Variants in PDIA5 observed in about 807,000 individuals in gnomAD.
The protein encoded by PDIA5 is protein disulfide isomerase family A member 5, also known as protein disulfide-isomerase A5.
Under a neutral mutation model 77.6 loss-of-function variants are expected in PDIA5, and 58 were observed. The ratio of observed to expected loss-of-function variants is 0.75; its 90% CI spans 0.61 to 0.93. PDIA5 has a LOEUF of 0.93. Among genes scored for constraint, PDIA5 ranks in the 40% least tolerant of loss-of-function variants. The pLI is 0.00. For synonymous variants in PDIA5, 250 were observed against 252.1 expected (o/e 0.99, Z 0.08); for missense variants, 630 against 647.7 (o/e 0.97, Z 0.30).
At chr3:123,082,953 T>C (rs1934046954) in intron 1 of PDIA5, among the ~76,000 whole-genome samples, 1 of 152,154 alleles carries the variant, frequency 6.6e-6, no homozygotes, top group Non-Finnish European at 1.5e-5. Context: ...TCTGGAAGAC[T>C]GCAGAGGGAG....
At chr3:123,085,298 G>A (rs1221616204) in intron 1 of PDIA5, among the ~76,000 whole-genome samples, 1 of 152,176 alleles carries the variant, frequency 6.6e-6, no homozygotes, top group African/African-American at 2.4e-5. Flanking sequence ...TGGGGGTGAG[G>A]GTAGGGAGGA....
chr3:123,118,273 C>T (rs1935038128), intron 8 of PDIA5, among the ~76,000 whole-genome samples: 1 of 152,190 alleles, frequency 6.6e-6, no homozygotes, highest in South Asian at 2.1e-4. Flanking sequence ...GGAAGTTTCA[C>T]TTCACATTAT....
At chr3:123,091,110 G>A (rs1348902771) in intron 2 of PDIA5, among the ~76,000 whole-genome samples, 1 of 152,126 alleles carries the variant, frequency 6.6e-6, no homozygotes. Flanking sequence ...CCCAGCAGTA[G>A]AACAATGGCT....
At chr3:123,101,666 C>T (rs975913292) in intron 3 of PDIA5, among the ~76,000 whole-genome samples, 52 of 152,282 alleles carry the variant, frequency 3.4e-4, no homozygotes, top group African/African-American at 1.2e-3. Context: ...TGCTTGTCCA[C>T]CCCCAACAGA....
chr3:123,082,273 C>T (rs893731082), intron 1 of PDIA5, among the ~76,000 whole-genome samples: 1 of 152,034 alleles, frequency 6.6e-6, no homozygotes, highest in Non-Finnish European at 1.5e-5. Flanking sequence ...GTCCAGGGAG[C>T]TTGTGGGGTT....
At chr3:123,068,212 C>T (rs1322151932) in intron 1 of PDIA5, among the ~76,000 whole-genome samples, 1 of 152,166 alleles carries the variant, frequency 6.6e-6, no homozygotes, top group Non-Finnish European at 1.5e-5. Context: ...GGCACCCTCC[C>T]CCCAACCCAG....
chr3:123,128,414 C>T (rs1935291768), intron 10 of PDIA5, among the ~76,000 whole-genome samples: 1 of 152,100 alleles, frequency 6.6e-6, no homozygotes, highest in Admixed American at 6.5e-5. Flanking sequence ...AAAATATAGC[C>T]TTCTCCATCC....
intron 1 of PDIA5, among the ~76,000 whole-genome samples, chr3:123,067,995 T>C (rs1933619724): frequency 6.6e-6 from 1 of 152,072 alleles, no homozygotes; most frequent in South Asian, 2.1e-4. Context: ...TTGCTACACT[T>C]GGTGGGGGGG....
chr3:123,127,153 T>C (rs1935260046), intron 10 of PDIA5, among the ~76,000 whole-genome samples: 1 of 152,218 alleles, frequency 6.6e-6, no homozygotes, highest in African/African-American at 2.4e-5. Flanking sequence ...TTCTCATCTA[T>C]GGCACATGCA....
intron 13 of PDIA5, 80 bp from the exon 14 acceptor site, chr3:123,150,154 G>A: frequency 3.1e-6 from 3 of 962,602 alleles, no homozygotes; most frequent in Middle Eastern, 3.1e-4. Context: ...CCGAGTGGTT[G>A]GGACATTGAG....
At chr3:123,132,575 G>T (rs527743962) in intron 11 of PDIA5, among the ~76,000 whole-genome samples, 1 of 152,328 alleles carries the variant, frequency 6.6e-6, no homozygotes, top group Admixed American at 6.5e-5. Flanking sequence ...GTCTGCTAGG[G>T]CCTTGGTGAG....
At chr3:123,123,305 C>T (rs904891829) in intron 8 of PDIA5, among the ~76,000 whole-genome samples, 3 of 152,136 alleles carry the variant, frequency 2.0e-5, no homozygotes, top group Non-Finnish European at 4.4e-5. Flanking sequence ...TCGTCGGTTA[C>T]CCAGCTACTA....
At chr3:123,106,891 C>T (rs1464741506) in intron 6 of PDIA5, 50 bp downstream of exon 6, 5 of 1,247,402 alleles carry the variant, frequency 4.0e-6, no homozygotes, top group East Asian at 2.3e-5. Context: ...TTCCCTGGTA[C>T]CAGGGCCTCC....
intron 7 of PDIA5, among the ~76,000 whole-genome samples, chr3:123,114,235 G>A (rs935865797): frequency 5.9e-5 from 9 of 152,208 alleles, no homozygotes; most frequent in African/African-American, 2.2e-4. Flanking sequence ...CCCAGTGGGG[G>A]TCAGACTGAA....
intron 5 of PDIA5, 73 bp downstream of exon 5, chr3:123,102,869 C>T: frequency 1.0e-6 from 1 of 985,546 alleles, no homozygotes; most frequent in Non-Finnish European, 1.6e-6. Context: ...GGTTTTCTCT[C>T]TGAGAAAAGA....
chr3:123,093,759 A>T (rs907508149), intron 3 of PDIA5, among the ~76,000 whole-genome samples: 2 of 152,230 alleles, frequency 1.3e-5, no homozygotes, highest in African/African-American at 4.8e-5. Context: ...GACTATATGC[A>T]TGGAGGGAAA....
intron 5 of PDIA5, among the ~76,000 whole-genome samples, chr3:123,106,424 A>G (rs1934734238): frequency 6.6e-6 from 1 of 152,224 alleles, no homozygotes; most frequent in South Asian, 2.1e-4. Context: ...TCTGGTTTGA[A>G]TAAGCCAACT....
At chr3:123,154,201 G>A (rs1935970549) in intron 14 of PDIA5, among the ~76,000 whole-genome samples, 1 of 152,182 alleles carries the variant, frequency 6.6e-6, no homozygotes, top group East Asian at 1.9e-4. Context: ...CAGAACAAGA[G>A]ACAGATGCTG....
chr3:123,131,261 C>A (rs1935363813), intron 11 of PDIA5, among the ~76,000 whole-genome samples: 1 of 151,906 alleles, frequency 6.6e-6, no homozygotes, highest in Admixed American at 6.6e-5. Context: ...CCAAACAAGA[C>A]CCTGTCTCAT....
Sources: allele counts gnomAD v4.1 joint callset (sites outside exome capture counted in the v4.1 genomes callset), GRCh38; gene constraint gnomAD v4.1.1; transcripts MANE v1.5; gene names NCBI Gene and HGNC (gene_info 2026-07-23, HGNC 2026-07-21).